Variants in INSL6 observed in about 807,000 individuals in gnomAD.
INSL6 encodes insulin like 6.
A neutral mutation model predicts 9.4 loss-of-function variants in INSL6; 16 were observed. The ratio of observed to expected loss-of-function variants is 1.70; its 90% CI spans 1.15 to 2.59. The LOEUF is 2.59. Among genes scored for constraint, INSL6 ranks in the 30% most tolerant of loss-of-function variants. INSL6 has a pLI of 0.00. For synonymous variants in INSL6, 154 were observed against 96.9 expected, an observed-to-expected ratio of 1.59 and a Z score of -3.46; for missense variants, 391 against 257.3, an observed-to-expected ratio of 1.52 and a Z score of -3.56.
chr9:5,016,114 T>C, the INSL6 span, among the ~76,000 whole-genome samples: 6 of 152,102 alleles, frequency 3.9e-5, no homozygotes, highest in African/African-American at 1.2e-4. Context: ...TCCCTCCAAA[T>C]AGACTATTGG....
chr9:5,140,868 C>T (rs534486082), intron 2 of INSL6, among the ~76,000 whole-genome samples: 3 of 152,220 alleles, frequency 2.0e-5, no homozygotes, highest in East Asian at 3.9e-4. Context: ...TCCCACCCTC[C>T]ACCCTCTAAT....
the INSL6 span, chr9:5,085,540 C>T: frequency 2.6e-4 from 186 of 708,150 alleles, 1 homozygote; most frequent in Admixed American, 3.3e-3. Flanking sequence ...TTCAATAACT[C>T]GGGTTAAAAT....
chr9:5,091,763 G>A, the INSL6 span, among the ~76,000 whole-genome samples: 4 of 152,058 alleles, frequency 2.6e-5, no homozygotes, highest in African/African-American at 7.2e-5. Flanking sequence ...GGCTTAAGTC[G>A]GGGGGCTGAA....
At chr9:5,126,936 CTT>C (rs1365044016) in intron 3 of INSL6, 4 of 437,858 alleles carry the variant, frequency 9.1e-6, no homozygotes, top group African/African-American at 6.2e-5. Context: ...CTGCTCAAAA[CTT>C]TCAAAGTTTA....
chr9:5,041,437 G>A, the INSL6 span: 1 of 623,990 alleles, frequency 1.6e-6, no homozygotes, highest in Admixed American at 2.2e-5. Context: ...TGTACTTCCT[G>A]TGCAGCAGCC....
the INSL6 span, among the ~76,000 whole-genome samples, chr9:5,036,642 G>A: frequency 1.8e-4 from 27 of 152,190 alleles, no homozygotes; most frequent in Non-Finnish European, 2.9e-4. Context: ...ATGGTGCTGG[G>A]AAAACTGGCT....
At chr9:5,052,801 A>G in the INSL6 span, among the ~76,000 whole-genome samples, 3 of 152,016 alleles carry the variant, frequency 2.0e-5, no homozygotes, top group Admixed American at 6.6e-5. Context: ...TCCAAGGTTC[A>G]TTCATGTTGT....
At chr9:5,064,395 C>T in the INSL6 span, among the ~76,000 whole-genome samples, 14,773 of 151,176 alleles carry the variant, frequency 0.098, 2,252 homozygotes, top group African/African-American at 0.33. Context: ...CTGGGCATGG[C>T]GGCATATGCC....
intron 2 of INSL6, among the ~76,000 whole-genome samples, chr9:5,158,079 T>G (rs1216798378): frequency 6.6e-6 from 1 of 152,102 alleles, no homozygotes; most frequent in African/African-American, 2.4e-5. Context: ...AGTCTCTTAA[T>G]AGCAGACTTG....
chr9:5,071,758 T>C, the INSL6 span, among the ~76,000 whole-genome samples: 1 of 152,190 alleles, frequency 6.6e-6, no homozygotes, highest in African/African-American at 2.4e-5. Context: ...AGCATCTTCA[T>C]GTGAGTAACA....
the INSL6 span, chr9:5,078,549 C>T: frequency 1.3e-6 from 1 of 784,770 alleles, no homozygotes; most frequent in Non-Finnish European, 2.0e-6. Context: ...TTTGTATGTT[C>T]CTGATTAATA....
At chr9:5,114,977 C>T in the INSL6 span, among the ~76,000 whole-genome samples, 1 of 152,102 alleles carries the variant, frequency 6.6e-6, no homozygotes, top group South Asian at 2.1e-4. Context: ...TAGAGGAAAA[C>T]CTAGGCAATA....
chr9:5,183,265 C>A (rs1431721199), intron 1 of INSL6, among the ~76,000 whole-genome samples: 1 of 152,090 alleles, frequency 6.6e-6, no homozygotes, highest in Admixed American at 6.6e-5. Flanking sequence ...TAACCTAACC[C>A]ATTTTTCCTT....
chr9:5,058,310 G>A, the INSL6 span, among the ~76,000 whole-genome samples: 1 of 152,138 alleles, frequency 6.6e-6, no homozygotes, highest in African/African-American at 2.4e-5. Flanking sequence ...GCTGGCCCAG[G>A]AAACTTAAAA....
At chr9:5,098,548 C>G in the INSL6 span, 1 of 152,142 alleles carries the variant, frequency 6.6e-6, no homozygotes, top group Non-Finnish European at 1.5e-5. Context: ...ATCTTACCTG[C>G]CATTATCTTA....
chr9:5,152,155 T>C (rs1205480582), intron 2 of INSL6, among the ~76,000 whole-genome samples: 2 of 152,160 alleles, frequency 1.3e-5, no homozygotes, highest in African/African-American at 4.8e-5. Flanking sequence ...ATTTCAACAC[T>C]TTTATCTCAC....
chr9:5,005,640 T>C, the INSL6 span, among the ~76,000 whole-genome samples: 1 of 152,238 alleles, frequency 6.6e-6, no homozygotes. Flanking sequence ...TTCATGTCCT[T>C]ACATATTTTG....
At chr9:5,095,457 C>G in the INSL6 span, among the ~76,000 whole-genome samples, 1 of 152,168 alleles carries the variant, frequency 6.6e-6, no homozygotes, top group African/African-American at 2.4e-5. Flanking sequence ...TCCTTTTCAA[C>G]AACCCGTCCT....
At chr9:5,184,636 G>A (rs1340159706) in intron 1 of INSL6, among the ~76,000 whole-genome samples, 2 of 152,130 alleles carry the variant, frequency 1.3e-5, no homozygotes, top group African/African-American at 4.8e-5. Context: ...TAGTCACACA[G>A]GCCTTGCATT....
Sources: allele counts gnomAD v4.1 joint callset (sites outside exome capture counted in the v4.1 genomes callset), GRCh38; gene constraint gnomAD v4.1.1; transcripts MANE v1.5; gene names NCBI Gene and HGNC (gene_info 2026-07-23, HGNC 2026-07-21).